RMST: variants seen among roughly 807,000 people sequenced by gnomAD.
RMST encodes the protein rhabdomyosarcoma 2 associated transcript, also known as long intergenic non-protein coding RNA 54.
chr12:97,540,941 G>GAT lies in RMST; in HGVS notation n.1545+10084_1545+10085dup, dbSNP rs145936227. On this transcript the variant is annotated intron_variant and non_coding_transcript_variant, in intron 11 of 13. Coordinates refer to ENST00000640149, the Ensembl canonical transcript of RMST. ...AGATAGATAAATAGATAGAGAGATA[G>GAT]ATAGATATAGATATAGATATAGATA... Among the ~76,000 whole-genome samples, 629 of 145,576 alleles carry GAT rather than the reference G, an allele frequency of 4.3e-3. 5 individuals carry two copies. Among genetic ancestry groups the GAT allele is most frequent in the African/African-American group, 0.013 (517 of 39,800 alleles).
intron 10 of RMST, among the ~76,000 whole-genome samples, chr12:97,502,214 A>G (rs988933865): frequency 2.0e-5 from 3 of 152,136 alleles, no homozygotes. Context: ...CTGAAGTTCA[A>G]ATGAAACTGC....
At chr12:97,546,011 T>C (rs12370302) in intron 11 of RMST, among the ~76,000 whole-genome samples, 21,954 of 152,076 alleles carry the variant, frequency 0.14, 1,798 homozygotes, top group East Asian at 0.36. Context: ...TTTTGAGTGT[T>C]TAGTCACCAT....
At chr12:97,478,224 A>G (rs1258945493) in intron 5 of RMST, among the ~76,000 whole-genome samples, 1 of 152,218 alleles carries the variant, frequency 6.6e-6, no homozygotes, top group Non-Finnish European at 1.5e-5. Context: ...GTTCCTAATT[A>G]TCAGTAGATA....
intron 10 of RMST, among the ~76,000 whole-genome samples, chr12:97,525,181 A>G (rs753217037): frequency 6.6e-6 from 1 of 152,170 alleles, no homozygotes; most frequent in Non-Finnish European, 1.5e-5. Context: ...TTAAAGGAAG[A>G]CATCCTTTGA....
chr12:97,521,784 A>G (rs1270826403), intron 10 of RMST, among the ~76,000 whole-genome samples: 1 of 152,144 alleles, frequency 6.6e-6, no homozygotes, highest in East Asian at 1.9e-4. Context: ...TTTACCCCCC[A>G]ATATTCAGTT....
chr12:97,547,363 T>A (rs1182543192), intron 11 of RMST, among the ~76,000 whole-genome samples: 1 of 152,000 alleles, frequency 6.6e-6, no homozygotes, highest in African/African-American at 2.4e-5. Flanking sequence ...CAGATATCTC[T>A]TTGACTCTTT....
rs181535159 is a variant in RMST at position 97,512,174 on chromosome 12, G to C, written n.1340+16118G>C. On this transcript the variant is annotated intron_variant and non_coding_transcript_variant, in intron 10 of 13. Transcript: ENST00000640149. The stretch of plus-strand genomic sequence containing the variant: ...CTCAGGAGTGAAGCTGCAGACTTTC[G>C]CAGCGAGTGTTACAGCTCTTAAGGT... Among the ~76,000 whole-genome samples, 213 of 152,134 alleles carry C rather than the reference G, an allele frequency of 1.4e-3. 1 individual carries two copies. Among genetic ancestry groups the C allele is most frequent in the African/African-American group, 4.8e-3 (200 of 41,520 alleles).
chr12:97,519,813 A>C (rs543238462), intron 10 of RMST, among the ~76,000 whole-genome samples: 1 of 152,324 alleles, frequency 6.6e-6, no homozygotes, highest in African/African-American at 2.4e-5. Context: ...TTTTGCTTTA[A>C]GTATAATGTG....
intron 5 of RMST, among the ~76,000 whole-genome samples, chr12:97,484,588 T>G (rs934553548): frequency 1.3e-5 from 2 of 152,104 alleles, no homozygotes; most frequent in Non-Finnish European, 2.9e-5. Flanking sequence ...CAAACTATGA[T>G]AAAAACAGAA....
intron 5 of RMST, among the ~76,000 whole-genome samples, chr12:97,475,109 C>G (rs1037474836): frequency 2.0e-5 from 3 of 152,142 alleles, no homozygotes; most frequent in African/African-American, 7.2e-5. Context: ...CAGTGTCCAG[C>G]AGCACAAATT....
intron 10 of RMST, among the ~76,000 whole-genome samples, chr12:97,496,565 A>C (rs1202408303): frequency 6.6e-6 from 1 of 152,114 alleles, no homozygotes; most frequent in Non-Finnish European, 1.5e-5. Flanking sequence ...GTAAGTATAA[A>C]CCTCCTTATG....
chr12:97,484,522 A>G (rs924921184), intron 5 of RMST, among the ~76,000 whole-genome samples: 4 of 152,204 alleles, frequency 2.6e-5, no homozygotes, highest in African/African-American at 9.6e-5. Context: ...TTAAAATTTC[A>G]GAATTTGCTT....
intron 5 of RMST, among the ~76,000 whole-genome samples, chr12:97,488,499 A>G (rs1396842307): frequency 2.6e-5 from 4 of 152,190 alleles, no homozygotes; most frequent in Admixed American, 2.6e-4. Flanking sequence ...GAGGATTGCC[A>G]AAGAATATCT....
chr12:97,539,488 A>G (rs1268412045), intron 11 of RMST, among the ~76,000 whole-genome samples: 1 of 151,618 alleles, frequency 6.6e-6, no homozygotes, highest in Non-Finnish European at 1.5e-5. Context: ...TCACTAAGGC[A>G]ACTGCTAAAT....
chr12:97,562,617 G>A (rs1035242227), intron 13 of RMST, among the ~76,000 whole-genome samples: 23 of 152,274 alleles, frequency 1.5e-4, no homozygotes, highest in Middle Eastern at 3.4e-3. Flanking sequence ...AGGTTTGGGA[G>A]TGCATTAATC....
At chr12:97,512,551 A>T (rs1019243715) in intron 10 of RMST, among the ~76,000 whole-genome samples, 5 of 152,176 alleles carry the variant, frequency 3.3e-5, no homozygotes, top group Admixed American at 1.3e-4. Context: ...TTAGCTAGAT[A>T]CAGAGTGTTG....
At chr12:97,514,897 G>A (rs1020396791) in intron 10 of RMST, among the ~76,000 whole-genome samples, 1 of 152,126 alleles carries the variant, frequency 6.6e-6, no homozygotes, top group African/African-American at 2.4e-5. Flanking sequence ...CACAAACACT[G>A]TCAAGAATTA....
chr12:97,491,602 A>G (rs1487306349), intron 5 of RMST: 1 of 205,848 alleles, frequency 4.9e-6, no homozygotes, highest in African/African-American at 2.2e-5. Context: ...AGTTGGGAAG[A>G]GGTATTGCAT....
chr12:97,499,343 G>A (rs780496756), intron 10 of RMST, among the ~76,000 whole-genome samples: 13 of 151,426 alleles, frequency 8.6e-5, no homozygotes, highest in Non-Finnish European at 1.8e-4. Flanking sequence ...TCACATATCC[G>A]ACTATTTTTC....
Sources: gnomAD v4.1 joint callset for allele counts (sites outside exome capture counted in the v4.1 genomes callset) on GRCh38, gnomAD v4.1.1 for gene constraint, MANE v1.5 for transcripts, NCBI Gene and HGNC (gene_info 2026-07-23, HGNC 2026-07-21) for gene names.